The following ARL4C variants were observed in gnomAD, a reference collection of about 807,000 sequenced individuals.
The protein encoded by ARL4C is ARF like GTPase 4C.
In ARL4C, 5 loss-of-function variants were observed where a neutral mutation model predicts 12.8. The observed-to-expected ratio is 0.39, with a 90% CI of 0.20 to 0.82. The LOEUF is 0.82. Ranked by LOEUF, ARL4C falls within the 40% of genes least tolerant of loss-of-function variation. The pLI, the probability that ARL4C is intolerant of heterozygous loss-of-function variation, is 0.39. For synonymous variants in ARL4C, 119 were observed against 119.4 expected, an observed-to-expected ratio of 1.00 and a Z score of 0.02; for missense variants, 148 against 265.2, an observed-to-expected ratio of 0.56 and a Z score of 3.07.
Position 234,495,680 on chromosome 2 carries a change from G to A in ARL4C, c.*126C>T. ...TGAGCCTTCCACCTGGGGCTGGGAGGGCGGACAGCAGGACCGGCTCTTCCA... is the reference window on the plus strand; with the variant it reads ...TGAGCCTTCCACCTGGGGCTGGGAGAGCGGACAGCAGGACCGGCTCTTCCA... On this transcript the variant is annotated 3_prime_UTR_variant, in exon 2 of 2. Coordinates refer to ENST00000339728, the MANE Select transcript of ARL4C (RefSeq NM_001282431.2). The A allele has an allele frequency of 8.2e-7, 1 of 1,216,006 alleles. No individual in the cohort carries two copies. The highest frequency in any genetic ancestry group is 1.2e-6 in the Non-Finnish European group (1 of 838,882). The allele number at this position is 1,216,006 out of a possible 1,614,324, so 75.3% of individuals were successfully genotyped here.
At position 234,496,020 on chromosome 2, in the gene ARL4C, C is replaced by A. The variant is rs2106235464; in HGVS notation, c.567G>T (p.Lys189Asn). ...ILKRRKSLKQ[K>N]KKRTGDLRSC... Reference sequence around the variant, plus strand: ...CGCTCCGGGCGCATTACCGCTTCTTCTTCTGCTTGAGGGACTTCCTGCGTT... The same window carrying A: ...CGCTCCGGGCGCATTACCGCTTCTTATTCTGCTTGAGGGACTTCCTGCGTT... Residue 189 changes from lysine to asparagine, a missense_variant, in exon 1 of 2, where the codon AAG (lysine) becomes AAT (asparagine). Physicochemically the swap from Lys to Asn is moderately conservative, Grantham distance 94. Around this residue, in one of 4 missense-constraint regions of ARL4C, gnomAD observed 28 missense variants for 24.3 expected, o/e 1.15. Coordinates refer to ENST00000339728, the MANE Select transcript of ARL4C (RefSeq NM_001282431.2). 6.2e-7 allele frequency: 1 copy of A among 1,605,740 alleles called. No individual in the cohort carries two copies. Among genetic ancestry groups the A allele is most frequent in the Non-Finnish European group, 8.5e-7 (1 of 1,175,296 alleles).
Position 234,495,781 on chromosome 2 carries a change from G to A in ARL4C, c.*25C>T, listed in dbSNP as rs567177890. ...AAGGTCCCCTGAGCTGGGGGTGGGG[G>A]GCAGGTCGAGAGTAGGCCGGTAAAT... is the stretch of plus-strand genomic sequence containing the variant. On this transcript the variant is annotated 3_prime_UTR_variant, in exon 2 of 2. Coordinates refer to ENST00000339728, the MANE Select transcript of ARL4C (RefSeq NM_001282431.2). The A allele has an allele frequency of 9.4e-6, 15 of 1,598,206 alleles. No individual in the cohort carries two copies. Among genetic ancestry groups the A allele is most frequent in the Admixed American group, 1.7e-5 (1 of 60,002 alleles).
intron 1 of ARL4C, 73 bp downstream of exon 1, chr2:234,495,939 T>A (rs1316574871): frequency 3.1e-6 from 5 of 1,608,192 alleles, no homozygotes; most frequent in African/African-American, 1.3e-5. Flanking sequence ...CATCCATCCA[T>A]CCAACCATCC....
chr2:234,495,153 A>AT lies in ARL4C; in HGVS notation c.*652dup, dbSNP rs370570571. 126 of 144,684 alleles carry AT rather than the reference A, an allele frequency of 8.7e-4. No homozygotes were observed. The highest frequency in any genetic ancestry group is 4.8e-3 in the East Asian group (24 of 4,964). The allele number at this position is 144,684 out of a possible 1,614,324, so 9.0% of individuals were successfully genotyped here. A position where few individuals can be genotyped will look rare whatever the true frequency, so the allele number is the denominator to read the frequency against. On this transcript the variant is annotated 3_prime_UTR_variant, in exon 2 of 2. Transcript: ENST00000339728. The stretch of plus-strand genomic sequence containing the variant: ...CAATAGTTCGTCTTTTTTTTTTTTT[A>AT]TTTTTTTTATTTTTATTGGTCTCTT...
chr2:234,495,882 C>CT (rs1691774847), intron 1 of ARL4C, 46 bp from the exon 2 acceptor site: 5 of 1,601,924 alleles, frequency 3.1e-6, no homozygotes, highest in Non-Finnish European at 4.2e-6. Context: ...CGAAGCATCG[C>CT]TTTGGTTCGC....
rs764140006 is a variant in ARL4C, at chr2:234,493,654, G to A, written c.*2152C>T. The A allele has an allele frequency of 2.6e-5, 4 of 152,608 alleles. No individual in the cohort carries two copies. The highest frequency in any genetic ancestry group is 4.4e-5 in the Non-Finnish European group (3 of 68,044). The allele number at this position is 152,608 out of a possible 1,614,324, so 9.5% of individuals were successfully genotyped here. A position where few individuals can be genotyped will look rare whatever the true frequency, so the allele number is the denominator to read the frequency against. On this transcript the variant is annotated 3_prime_UTR_variant, in exon 2 of 2. Coordinates refer to ENST00000339728, the MANE Select transcript of ARL4C (RefSeq NM_001282431.2). ...TTATCATGAGAAGGTTACAGTATTT[G>A]GCATCTGCAATGTCACAAAATAAAT...
chr2:234,495,786 G>A lies in ARL4C; in HGVS notation c.*20C>T, dbSNP rs747417623. The A allele has an allele frequency of 3.8e-6, 6 of 1,598,328 alleles. No individual in the cohort carries two copies. In the South Asian group the frequency reaches 4.4e-5, roughly 12 times the overall value. ...CCCCTGAGCTGGGGGTGGGGGGCAGGTCGAGAGTAGGCCGGTAAATCAGAC... is the reference window on the plus strand; with the variant it reads ...CCCCTGAGCTGGGGGTGGGGGGCAGATCGAGAGTAGGCCGGTAAATCAGAC... On this transcript the variant is annotated 3_prime_UTR_variant, in exon 2 of 2. Coordinates refer to ENST00000339728, the MANE Select transcript of ARL4C (RefSeq NM_001282431.2).
chr2:234,495,418 A>C lies in ARL4C; in HGVS notation c.*388T>G, dbSNP rs1691767197. 2.8e-6 allele frequency: 1 copy of C among 351,150 alleles called. No homozygotes were observed. The highest frequency in any genetic ancestry group is 5.4e-6 in the Non-Finnish European group (1 of 185,704). 21.8% of individuals were successfully genotyped at this position (351,150 alleles called of 1,614,324 possible). A position where few individuals can be genotyped will look rare whatever the true frequency, so the allele number is the denominator to read the frequency against. On this transcript the variant is annotated 3_prime_UTR_variant, in exon 2 of 2. Coordinates refer to ENST00000339728, the MANE Select transcript of ARL4C (RefSeq NM_001282431.2). ...CACCTTTGGGCCCAGAGCAGGACAA[A>C]TGAAATTTCAACAGGGGCCTGCCCT...
In ARL4C at chr2:234,495,769, C is replaced by G. The variant is rs1015180449; in HGVS notation, c.*37G>C. On this transcript the variant is annotated 3_prime_UTR_variant, in exon 2 of 2. Transcript: ENST00000339728. ...GCGTTCAGACAAAAGGTCCCCTGAG[C>G]TGGGGGTGGGGGGCAGGTCGAGAGT... 4 of 1,598,100 alleles carry G rather than the reference C, an allele frequency of 2.5e-6. No individual in the cohort carries two copies. Among genetic ancestry groups the G allele is most frequent in the Non-Finnish European group, 3.4e-6 (4 of 1,179,604 alleles).
In ARL4C at chr2:234,496,107, C is replaced by A. The variant is rs754464521; in HGVS notation, c.480G>T (p.Ala160=). ...TGAGGCCCTCGCCGATGATGGCGCA[C>A]GCCGGCTGGACGTGATAGGTGGTGG... ...IPATTYHVQP[A]CAIIGEGLTE... The change falls in exon 1 of 2, where the codon GCG becomes GCT. Residue 160 remains alanine (A), a synonymous_variant. Coordinates refer to ENST00000339728, the MANE Select transcript of ARL4C (RefSeq NM_001282431.2). 6.8e-6 allele frequency: 11 copies of A among 1,613,736 alleles called. No individual in the cohort carries two copies. The Admixed American group carries it at 1.7e-4, about 24-fold the overall frequency.
chr2:234,496,561 G>A lies in ARL4C; in HGVS notation c.26C>T (p.Ser9Leu), dbSNP rs1691786580. The change falls in exon 1 of 2, where the codon TCG (serine) becomes TTG (leucine). Residue 9 changes from serine (S) to leucine (L), a missense_variant. Ser to Leu is a moderately radical substitution (Grantham distance 145). Coordinates refer to ENST00000339728, the MANE Select transcript of ARL4C (RefSeq NM_001282431.2). ...GACGATATGCAGGGACTGGAAGGCCGAGATGTTAGAGGAGATGTTGCCCAT... is the reference window on the plus strand; with the variant it reads ...GACGATATGCAGGGACTGGAAGGCCAAGATGTTAGAGGAGATGTTGCCCAT... MGNISSNISAFQSLHIVML... is the reference protein window; with the variant it reads MGNISSNILAFQSLHIVML... 1 of 1,595,842 alleles carries A rather than the reference G, an allele frequency of 6.3e-7. No individual in the cohort carries two copies. The highest frequency in any genetic ancestry group is 1.3e-5 in the African/African-American group (1 of 74,096).
At position 234,496,218 on chromosome 2, in the gene ARL4C, C is replaced by G. The variant is rs577651003; in HGVS notation, c.369G>C (p.Leu123=). The G allele has an allele frequency of 6.3e-6, 10 of 1,592,506 alleles. No individual in the cohort carries two copies. The Admixed American group carries it at 1.6e-4, about 25-fold the overall frequency. Residue 123 remains leucine (L), a synonymous_variant, in exon 1 of 2, where the codon CTG becomes CTC. Coordinates refer to ENST00000339728, the MANE Select transcript of ARL4C (RefSeq NM_001282431.2). ...KFAENQGTPL[L]VIANKQDLPK... ...GCAGGTCCTGCTTGTTGGCGATGACCAGCAGCGGCGTGCCCTGGTTCTCGG... is the reference window on the plus strand; with the variant it reads ...GCAGGTCCTGCTTGTTGGCGATGACGAGCAGCGGCGTGCCCTGGTTCTCGG...
In ARL4C at chr2:234,495,777, G is replaced by C. The variant is rs745346264; in HGVS notation, c.*29C>G. 30 of 1,597,970 alleles carry C rather than the reference G, an allele frequency of 1.9e-5. No individual in the cohort carries two copies. The South Asian group carries it at 2.3e-4, about 12-fold the overall frequency. ...ACAAAAGGTCCCCTGAGCTGGGGGT[G>C]GGGGGCAGGTCGAGAGTAGGCCGGT... On this transcript the variant is annotated 3_prime_UTR_variant, in exon 2 of 2. Transcript: ENST00000339728.
Position 234,496,641 on chromosome 2 carries a change from C to A in ARL4C, c.-55G>T. ...GCTGCGGCGGGAGGGCGCCGCCCCC[C>A]GAGCAGTCACGGGCCCGACGCGGCC... On this transcript the variant is annotated 5_prime_UTR_variant, in exon 1 of 2. Coordinates refer to ENST00000339728, the MANE Select transcript of ARL4C (RefSeq NM_001282431.2). The A allele has an allele frequency of 7.6e-7, 1 of 1,320,904 alleles. No individual in the cohort carries two copies. The highest frequency in any genetic ancestry group is 9.8e-7 in the Non-Finnish European group (1 of 1,022,994). 81.8% of individuals were successfully genotyped at this position (1,320,904 alleles called of 1,614,324 possible).
In ARL4C at chr2:234,496,667, G is replaced by C. The variant is rs891295801; in HGVS notation, c.-81C>G. 1 of 887,060 alleles carries C rather than the reference G, an allele frequency of 1.1e-6. No homozygotes were observed. Among genetic ancestry groups the C allele is most frequent in the Non-Finnish European group, 1.4e-6 (1 of 720,858 alleles). The allele number at this position is 887,060 out of a possible 1,614,324, so 54.9% of individuals were successfully genotyped here. A position where few individuals can be genotyped will look rare whatever the true frequency, so the allele number is the denominator to read the frequency against. On this transcript the variant is annotated 5_prime_UTR_variant, in exon 1 of 2. Transcript: ENST00000339728. ...GAGCAGTCACGGGCCCGACGCGGCC[G>C]GGCGCACCTGGGCCCCGCCCGCCGC...
Position 234,495,769 on chromosome 2 carries a change from C to T in ARL4C, c.*37G>A, listed in dbSNP as rs1015180449. On this transcript the variant is annotated 3_prime_UTR_variant, in exon 2 of 2. Coordinates refer to ENST00000339728, the MANE Select transcript of ARL4C (RefSeq NM_001282431.2). ...GCGTTCAGACAAAAGGTCCCCTGAGCTGGGGGTGGGGGGCAGGTCGAGAGT... is the reference window on the plus strand; with the variant it reads ...GCGTTCAGACAAAAGGTCCCCTGAGTTGGGGGTGGGGGGCAGGTCGAGAGT... 3.8e-6 allele frequency: 6 copies of T among 1,598,218 alleles called. No individual in the cohort carries two copies. In the African/African-American group the frequency reaches 8.0e-5, roughly 21 times the overall value.
chr2:234,495,139 CTTTTT>C lies in ARL4C; in HGVS notation c.*662_*666del, dbSNP rs11476419. ...TTGGCCACCACCTCCAATAGTTCGT[CTTTTT>C]TTTTTTTTATTTTTTTTATTTTTAT... On this transcript the variant is annotated 3_prime_UTR_variant, in exon 2 of 2. Coordinates refer to ENST00000339728, the MANE Select transcript of ARL4C (RefSeq NM_001282431.2). The C allele has an allele frequency of 7.2e-6, 1 of 139,274 alleles. No individual in the cohort carries two copies. The highest frequency in any genetic ancestry group is 1.6e-5 in the Non-Finnish European group (1 of 62,744). 8.6% of individuals were successfully genotyped at this position (139,274 alleles called of 1,614,324 possible).
rs577651003 is a variant in ARL4C, at chr2:234,496,218, C to A, written c.369G>T (p.Leu123=). The part of the protein sequence containing the change: ...KFAENQGTPL[L]VIANKQDLPK... ...GCAGGTCCTGCTTGTTGGCGATGAC[C>A]AGCAGCGGCGTGCCCTGGTTCTCGG... is the stretch of plus-strand genomic sequence containing the variant. Residue 123 remains leucine, a synonymous_variant, in exon 1 of 2, where the codon CTG becomes CTT. Transcript: ENST00000339728. The A allele has an allele frequency of 6.3e-7, 1 of 1,592,506 alleles. No individual in the cohort carries two copies. The highest frequency in any genetic ancestry group is 2.2e-5 in the East Asian group (1 of 44,640).
Position 234,496,702 on chromosome 2 carries a change from C to T in ARL4C, c.-116G>A, listed in dbSNP as rs1691790427. 2.2e-5 allele frequency: 10 copies of T among 459,422 alleles called. No homozygotes were observed. In the South Asian group the frequency reaches 3.6e-4, roughly 17 times the overall value. The allele number at this position is 459,422 out of a possible 1,614,324, so 28.5% of individuals were successfully genotyped here. On this transcript the variant is annotated 5_prime_UTR_variant, in exon 1 of 2. Coordinates refer to ENST00000339728, the MANE Select transcript of ARL4C (RefSeq NM_001282431.2). ...GGGCCCCGCCCGCCGCCGCCCGCACCGGCCCCGGGGCTCGGCGTCCCCGCG... is the reference window on the plus strand; with the variant it reads ...GGGCCCCGCCCGCCGCCGCCCGCACTGGCCCCGGGGCTCGGCGTCCCCGCG...
Sources: gnomAD v4.1 joint callset for allele counts on GRCh38, gnomAD v4.1.1 for gene constraint, gnomAD v4.1.1 regional missense constraint, MANE v1.5 for transcripts, NCBI Gene and HGNC (gene_info 2026-07-23, HGNC 2026-07-21) for gene names.